The following DPP10 variants were observed in gnomAD, a reference collection of about 807,000 sequenced individuals.
The protein encoded by DPP10 is dipeptidyl peptidase like 10.
A neutral mutation model predicts 120.9 loss-of-function variants in DPP10; 33 were observed. The ratio of observed to expected loss-of-function variants is 0.27; its 90% CI spans 0.21 to 0.37. DPP10 has a LOEUF of 0.37. Ranked by LOEUF, DPP10 falls within the 10% of genes least tolerant of loss-of-function variation. DPP10 has a pLI of 1.00. For missense variants in DPP10, 816 were observed against 942.8 expected (o/e 0.87, Z 1.76); for synonymous variants, 337 against 326.1 (o/e 1.03, Z -0.36).
At chr2:115,648,520 C>T (rs915122188) in intron 5 of DPP10, among the ~76,000 whole-genome samples, 4 of 151,496 alleles carry the variant, frequency 2.6e-5, no homozygotes, top group Non-Finnish European at 4.4e-5. Context: ...CATCTCTTAC[C>T]CAGGTGATGG....
intron 1 of DPP10, among the ~76,000 whole-genome samples, chr2:114,530,149 A>G (rs1301986626): frequency 2.0e-5 from 3 of 152,122 alleles, no homozygotes; most frequent in Admixed American, 2.0e-4. Flanking sequence ...ATAACACCTT[A>G]TATCTTTGCT....
chr2:114,948,982 T>C (rs1019649034), intron 1 of DPP10, among the ~76,000 whole-genome samples: 1 of 151,678 alleles, frequency 6.6e-6, no homozygotes, highest in Non-Finnish European at 1.5e-5. Context: ...TGGAGTACAG[T>C]GGCACAATCT....
chr2:115,216,835 C>T (rs373575864), intron 1 of DPP10, among the ~76,000 whole-genome samples: 2 of 151,200 alleles, frequency 1.3e-5, no homozygotes, highest in Non-Finnish European at 1.5e-5. Context: ...ATATACACAC[C>T]CATATATAGA....
chr2:115,582,219 C>G (rs1320976593), intron 5 of DPP10, among the ~76,000 whole-genome samples: 1 of 152,130 alleles, frequency 6.6e-6, no homozygotes, highest in African/African-American at 2.4e-5. Flanking sequence ...GCACAGTGGC[C>G]TGCCAGCGTG....
At chr2:114,455,879 C>T (rs1678557018) in intron 1 of DPP10, among the ~76,000 whole-genome samples, 1 of 152,000 alleles carries the variant, frequency 6.6e-6, no homozygotes. Flanking sequence ...ATTTTAAGGG[C>T]TTAATTTTTT....
chr2:115,641,061 A>G (rs1000927027), intron 5 of DPP10, among the ~76,000 whole-genome samples: 2 of 152,130 alleles, frequency 1.3e-5, no homozygotes, highest in Admixed American at 1.3e-4. Flanking sequence ...GTATTATATG[A>G]TATACATACA....
rs570728556 is a variant in DPP10, at chr2:114,716,845, G to A, written c.60+274007G>A. On this transcript the variant is annotated intron_variant, in intron 1 of 25. Coordinates refer to ENST00000410059, the MANE Select transcript of DPP10 (RefSeq NM_020868.6). ...GTAAGGATCCACTATTTGAGGAAGG[G>A]TAACCAGTTATTAGCATCATTAACT... Among the ~76,000 whole-genome samples the A allele has an allele frequency of 5.3e-5, 8 of 152,276 alleles. No individual in the cohort carries two copies. The South Asian group carries it at 1.7e-3, about 32-fold the overall frequency.
At chr2:115,383,074 G>A (rs973229985) in intron 3 of DPP10, among the ~76,000 whole-genome samples, 53 of 152,304 alleles carry the variant, frequency 3.5e-4, no homozygotes, top group African/African-American at 1.3e-3. Flanking sequence ...CACTATCAAA[G>A]ATAATGGGTT....
At chr2:114,605,725 C>A (rs751288788) in intron 1 of DPP10, among the ~76,000 whole-genome samples, 9 of 151,940 alleles carry the variant, frequency 5.9e-5, no homozygotes, top group African/African-American at 2.4e-5. Flanking sequence ...GTCATCAAAT[C>A]AAAAGTTCAT....
chr2:115,295,670 T>C (rs1044768943), intron 1 of DPP10, among the ~76,000 whole-genome samples: 1 of 152,092 alleles, frequency 6.6e-6, no homozygotes, highest in Non-Finnish European at 1.5e-5. Flanking sequence ...AAAAGCACAT[T>C]TAGTTCCTGT....
chr2:115,412,783 C>G (rs62164391), intron 3 of DPP10, among the ~76,000 whole-genome samples: 78,522 of 151,850 alleles, frequency 0.52, 21,392 homozygotes, highest in Non-Finnish European at 0.62. Flanking sequence ...AAACCTTTAA[C>G]TCTTACTGAG....
chr2:114,659,090 C>T (rs1358992441), intron 1 of DPP10, among the ~76,000 whole-genome samples: 1 of 152,182 alleles, frequency 6.6e-6, no homozygotes, highest in African/African-American at 2.4e-5. Context: ...CCCCTTCTGC[C>T]ATGACTGTAA....
intron 1 of DPP10, among the ~76,000 whole-genome samples, chr2:115,226,063 A>G: frequency 6.6e-6 from 1 of 151,992 alleles, no homozygotes; most frequent in East Asian, 1.9e-4. Flanking sequence ...ACTTAAATTC[A>G]ATTTTACTTA....
At chr2:115,660,996 G>C (rs1246759502) in intron 5 of DPP10, among the ~76,000 whole-genome samples, 3 of 151,894 alleles carry the variant, frequency 2.0e-5, no homozygotes, top group African/African-American at 7.2e-5. Flanking sequence ...GTCCACCCAG[G>C]CTGGAGTGCA....
chr2:115,725,374 A>G (rs1001377461), intron 7 of DPP10, among the ~76,000 whole-genome samples: 3 of 152,206 alleles, frequency 2.0e-5, no homozygotes, highest in African/African-American at 7.2e-5. Flanking sequence ...TTAAAAATGC[A>G]CACTTTCATG....
intron 1 of DPP10, among the ~76,000 whole-genome samples, chr2:114,724,953 C>T (rs1042457434): frequency 6.6e-6 from 1 of 152,140 alleles, no homozygotes; most frequent in Admixed American, 6.5e-5. Context: ...ATTCTGCGCC[C>T]ATAGATAATA....
intron 1 of DPP10, among the ~76,000 whole-genome samples, chr2:115,115,377 A>T (rs1310379875): frequency 6.6e-6 from 1 of 152,116 alleles, no homozygotes; most frequent in Non-Finnish European, 1.5e-5. Flanking sequence ...GGTTACCTTT[A>T]TGGTTGTGTT....
intron 1 of DPP10, among the ~76,000 whole-genome samples, chr2:114,449,616 A>C (rs1423815704): frequency 6.6e-6 from 1 of 151,950 alleles, no homozygotes; most frequent in East Asian, 1.9e-4. Flanking sequence ...TCCCTTTACC[A>C]CATGAACCAT....
chr2:114,630,444 T>C (rs976797162), intron 1 of DPP10, among the ~76,000 whole-genome samples: 3 of 152,180 alleles, frequency 2.0e-5, no homozygotes, highest in African/African-American at 7.2e-5. Context: ...GTTTATGAAA[T>C]GAGAGTCGAG....
Sources: gnomAD v4.1 joint callset for allele counts (sites outside exome capture counted in the v4.1 genomes callset) on GRCh38, gnomAD v4.1.1 for gene constraint, MANE v1.5 for transcripts, NCBI Gene and HGNC (gene_info 2026-07-23, HGNC 2026-07-21) for gene names.